Variants in MILR1 observed in about 807,000 individuals in gnomAD.
MILR1 encodes the protein allergin-1.
Under a neutral mutation model 18.5 loss-of-function variants are expected in MILR1, and 31 were observed. The ratio of observed to expected loss-of-function variants is 1.68; its 90% CI spans 1.26 to 2.26. The LOEUF is 2.26. Among genes scored for constraint, MILR1 ranks in the 30% most tolerant of loss-of-function variants. MILR1 has a pLI of 0.00. For synonymous variants in MILR1, 85 were observed against 56.2 expected (o/e 1.51, Z -2.30); for missense variants, 257 against 157.4 (o/e 1.63, Z -3.38).
At chr17:64,458,175 CTCCTTCCTTCCTTCCTTCTTTCCT>C (rs2037344396) in intron 4 of MILR1, among the ~76,000 whole-genome samples, 1 of 137,544 alleles carries the variant, frequency 7.3e-6, no homozygotes, top group East Asian at 2.0e-4. Flanking sequence ...CCTTCCTTCC[CTCCTTCCTTCCTTCCTTCTTTCCT>C]TCCTTCCTTC....
At chr17:64,458,377 T>A (rs1403682471) in intron 4 of MILR1, among the ~76,000 whole-genome samples, 3 of 151,910 alleles carry the variant, frequency 2.0e-5, no homozygotes, top group Non-Finnish European at 2.9e-5. Flanking sequence ...CACGCTTGGC[T>A]AATTTTTGTA....
chr17:64,490,707 A>G, the MILR1 span: 1 of 980,258 alleles, frequency 1.0e-6, no homozygotes, highest in Non-Finnish European at 1.6e-6. Context: ...GTGTTAAGAC[A>G]CCACGTTTGC....
At position 64,449,224 on chromosome 17, in the gene MILR1, G is replaced by T; in HGVS notation, c.55+1G>T. On this transcript the variant is annotated splice_donor_variant, in intron 1 of 9. Coordinates refer to ENST00000619286, the MANE Select transcript of MILR1 (RefSeq NM_001085423.2). LOFTEE classifies it high-confidence loss of function. ...TGGAGCATATTTTCTTCTGTCACTT[G>T]TAAGCCCCCCTTATCATTCTGAGGC... The T allele has an allele frequency of 2.1e-6, 1 of 473,452 alleles. No individual in the cohort carries two copies. The allele number at this position is 473,452 out of a possible 1,614,324, so 29.3% of individuals were successfully genotyped here.
chr17:64,480,314 A>T, the MILR1 span: 1 of 1,579,790 alleles, frequency 6.3e-7, no homozygotes, highest in Non-Finnish European at 8.7e-7. Context: ...TCCAATGAGG[A>T]CTGCATAGTT....
chr17:64,494,102 G>T, the MILR1 span, among the ~76,000 whole-genome samples: 1 of 152,020 alleles, frequency 6.6e-6, no homozygotes, highest in African/African-American at 2.4e-5. Context: ...TTCTGAGTAG[G>T]TTTCTTTCAT....
At chr17:64,458,930 G>C in intron 4 of MILR1, among the ~76,000 whole-genome samples, 1 of 152,270 alleles carries the variant, frequency 6.6e-6, no homozygotes, top group African/African-American at 2.4e-5. Context: ...GATGGTGTTT[G>C]CACATGTGGG....
In MILR1 at chr17:64,466,365, G is replaced by C; in HGVS notation, c.854-77G>C. 2.5e-6 allele frequency: 3 copies of C among 1,208,406 alleles called. No homozygotes were observed. The South Asian group carries it at 3.9e-5, about 16-fold the overall frequency. The allele number at this position is 1,208,406 out of a possible 1,614,324, so 74.9% of individuals were successfully genotyped here. On this transcript the variant is annotated intron_variant, in intron 6 of 9. Coordinates refer to ENST00000619286, the MANE Select transcript of MILR1 (RefSeq NM_001085423.2). The stretch of plus-strand genomic sequence containing the variant: ...CAGCCTACATGGCCACATTCCAGAC[G>C]CATTGCTGAGCAATTTACCGACCTT...
intron 8 of MILR1, 24 bp downstream of exon 8, chr17:64,466,686 G>C: frequency 1.9e-6 from 3 of 1,582,478 alleles, no homozygotes; most frequent in Non-Finnish European, 2.6e-6. Flanking sequence ...TGGGATAAGA[G>C]GTACTGGTGA....
At position 64,465,495 on chromosome 17, in the gene MILR1, A is replaced by G. The variant is rs782432792; in HGVS notation, c.807A>G (p.Thr269=). ...RNNVPRDRGD[T]AMEVGIYANI... The stretch of plus-strand genomic sequence containing the variant: ...ATGTGCCCAGGGACCGTGGAGACAC[A>G]GCCATGGAAGTTGGAATCTATGCAA... Residue 269 remains threonine (T), a synonymous_variant, in exon 6 of 10, where the codon ACA becomes ACG. Transcript: ENST00000619286. 6.2e-7 allele frequency: 1 copy of G among 1,611,098 alleles called. No individual in the cohort carries two copies. Among genetic ancestry groups the G allele is most frequent in the Non-Finnish European group, 8.5e-7 (1 of 1,178,792 alleles).
chr17:64,468,656 C>A (rs2037636933), downstream of MILR1: 1 of 1,112,480 alleles, frequency 9.0e-7, no homozygotes, highest in African/African-American at 1.7e-5. Context: ...CTTCTCTGAG[C>A]CTTCTGACTC....
the MILR1 span, among the ~76,000 whole-genome samples, chr17:64,479,346 G>A: frequency 6.6e-6 from 1 of 151,978 alleles, no homozygotes; most frequent in East Asian, 1.9e-4. Flanking sequence ...ACCATGGCCA[G>A]GTAATTTTTT....
intron 2 of MILR1, among the ~76,000 whole-genome samples, chr17:64,452,173 A>G (rs2037189507): frequency 6.6e-6 from 1 of 151,692 alleles, no homozygotes; most frequent in South Asian, 2.1e-4. Flanking sequence ...CCTGACCTCA[A>G]GTGACCCTCC....
At chr17:64,464,028 T>G (rs2037490902) in intron 5 of MILR1, among the ~76,000 whole-genome samples, 3 of 151,754 alleles carry the variant, frequency 2.0e-5, no homozygotes. Flanking sequence ...TTCACTATGT[T>G]GGCCAGGCTG....
the MILR1 span, among the ~76,000 whole-genome samples, chr17:64,476,828 AAAAATT>A: frequency 1.3e-5 from 2 of 151,354 alleles, no homozygotes; most frequent in African/African-American, 4.9e-5. Flanking sequence ...TCTCTACAAA[AAAAATT>A]AAAATTAAAA....
chr17:64,496,603 C>G, the MILR1 span: 1 of 1,613,836 alleles, frequency 6.2e-7, no homozygotes, highest in South Asian at 1.1e-5. Context: ...ATACCTGCTC[C>G]CTGAACACCA....
At chr17:64,480,362 G>A in the MILR1 span, 2 of 1,589,818 alleles carry the variant, frequency 1.3e-6, no homozygotes, top group Admixed American at 3.3e-5. Context: ...CCATTTTCTA[G>A]TAACTCATTA....
the MILR1 span, among the ~76,000 whole-genome samples, chr17:64,478,874 G>A: frequency 2.0e-5 from 3 of 152,012 alleles, no homozygotes; most frequent in East Asian, 3.9e-4. Flanking sequence ...CAGCCCGGGC[G>A]ACAGTGCGAG....
At chr17:64,483,729 T>C in the MILR1 span, among the ~76,000 whole-genome samples, 1 of 151,826 alleles carries the variant, frequency 6.6e-6, no homozygotes, top group African/African-American at 2.4e-5. Flanking sequence ...TGCTTTTTTT[T>C]TTTTTTTAAA....
chr17:64,452,912 G>T, intron 3 of MILR1, 46 bp downstream of exon 3: 2 of 468,548 alleles, frequency 4.3e-6, no homozygotes, highest in Non-Finnish European at 7.8e-6. Context: ...TTTATAGGGT[G>T]CTTTCTGGTT....
Sources: allele counts gnomAD v4.1 joint callset (sites outside exome capture counted in the v4.1 genomes callset), GRCh38; gene constraint gnomAD v4.1.1; transcripts MANE v1.5; gene names NCBI Gene and HGNC (gene_info 2026-07-23, HGNC 2026-07-21).